Variants in FANCC observed in about 807,000 individuals in gnomAD.
The protein encoded by FANCC is FA complementation group C.
In FANCC, 55 loss-of-function variants were observed where a neutral mutation model predicts 71.3. The ratio of observed to expected loss-of-function variants is 0.77; its 90% CI spans 0.62 to 0.97. The LOEUF (loss-of-function observed/expected upper bound fraction) is 0.97, where lower values mean the gene tolerates loss of function less well. FANCC is among the 50% of genes least tolerant of loss of function. FANCC has a pLI of 0.00. For synonymous variants in FANCC, 275 were observed against 244.9 expected, an observed-to-expected ratio of 1.12 and a Z score of -1.15; for missense variants, 678 against 670.9, an observed-to-expected ratio of 1.01 and a Z score of -0.12.
At chr9:95,248,704 T>C (rs1374152360) in intron 2 of FANCC, among the ~76,000 whole-genome samples, 1 of 151,906 alleles carries the variant, frequency 6.6e-6, no homozygotes, top group Non-Finnish European at 1.5e-5. Context: ...CTCAAAATCT[T>C]AATATTTATA....
intron 3 of FANCC, 113 bp from the exon 4 acceptor site, chr9:95,240,856 T>C: frequency 1.5e-6 from 1 of 689,136 alleles, no homozygotes; most frequent in Non-Finnish European, 2.6e-6. Flanking sequence ...ACAGAACAAG[T>C]ATCCCTGAAT....
chr9:95,142,537 T>C (rs1588156830), intron 7 of FANCC: 1 of 152,274 alleles, frequency 6.6e-6, no homozygotes. Flanking sequence ...GGAGTGGCTG[T>C]AGACGCTAAT....
chr9:95,291,419 T>C (rs1833989619), intron 1 of FANCC, among the ~76,000 whole-genome samples: 1 of 152,050 alleles, frequency 6.6e-6, no homozygotes, highest in African/African-American at 2.4e-5. Context: ...AGTGTTTCTA[T>C]ACACCAAATA....
intron 6 of FANCC, among the ~76,000 whole-genome samples, chr9:95,151,630 C>A (rs1395169109): frequency 6.6e-6 from 1 of 152,124 alleles, no homozygotes; most frequent in African/African-American, 2.4e-5. Flanking sequence ...TATTTGCATA[C>A]TGAATTGCCT....
At chr9:95,233,435 A>G (rs1170153914) in intron 4 of FANCC, among the ~76,000 whole-genome samples, 1 of 152,186 alleles carries the variant, frequency 6.6e-6, no homozygotes, top group African/African-American at 2.4e-5. Flanking sequence ...AACTTGAACA[A>G]TAATTATTTC....
intron 1 of FANCC, among the ~76,000 whole-genome samples, chr9:95,302,908 T>A (rs1834838925): frequency 6.6e-6 from 1 of 152,184 alleles, no homozygotes; most frequent in Admixed American, 6.5e-5. Context: ...TTTGGCAGAG[T>A]TTGCACTATA....
chr9:95,216,382 C>A (rs916010342), intron 4 of FANCC, among the ~76,000 whole-genome samples: 1 of 152,138 alleles, frequency 6.6e-6, no homozygotes, highest in Non-Finnish European at 1.5e-5. Context: ...ATTAATAACT[C>A]ATAATTGGAG....
At chr9:95,276,861 CAT>C (rs1341509230) in intron 1 of FANCC, among the ~76,000 whole-genome samples, 4 of 152,316 alleles carry the variant, frequency 2.6e-5, no homozygotes, top group African/African-American at 9.6e-5. Flanking sequence ...GCCCACAGTA[CAT>C]GAGGCTGCAG....
chr9:95,308,380 T>A (rs1835185827), intron 1 of FANCC, among the ~76,000 whole-genome samples: 1 of 151,872 alleles, frequency 6.6e-6, no homozygotes, highest in African/African-American at 2.4e-5. Context: ...ACCTCCCGAG[T>A]TCAAGCGATT....
At chr9:95,123,962 G>A in intron 10 of FANCC, 1 of 367,846 alleles carries the variant, frequency 2.7e-6, no homozygotes, top group South Asian at 2.2e-5. Flanking sequence ...AAGTAGCCAT[G>A]AGTGGTGACA....
intron 1 of FANCC, among the ~76,000 whole-genome samples, chr9:95,277,406 G>A (rs1018626427): frequency 3.9e-5 from 6 of 152,062 alleles, no homozygotes; most frequent in East Asian, 1.9e-4. Flanking sequence ...TTCAGATGAC[G>A]GATATGCTAA....
At chr9:95,179,922 TCC>T (rs1826237125) in intron 4 of FANCC, among the ~76,000 whole-genome samples, 1 of 152,214 alleles carries the variant, frequency 6.6e-6, no homozygotes, top group Non-Finnish European at 1.5e-5. Flanking sequence ...ACAAAGTTTA[TCC>T]ATAACATTAG....
intron 4 of FANCC, among the ~76,000 whole-genome samples, chr9:95,174,223 G>C (rs1476423796): frequency 6.6e-6 from 1 of 152,074 alleles, no homozygotes; most frequent in Non-Finnish European, 1.5e-5. Flanking sequence ...GTGCCCTCTA[G>C]AGGAAACGGA....
intron 11 of FANCC, among the ~76,000 whole-genome samples, chr9:95,115,471 C>T (rs1229313114): frequency 6.6e-6 from 1 of 152,116 alleles, no homozygotes; most frequent in Non-Finnish European, 1.5e-5. Flanking sequence ...GTGATGAATT[C>T]ACAATATGAT....
At chr9:95,126,710 A>C (rs1450359585) in intron 8 of FANCC, 129 bp from the exon 9 acceptor site, 16 of 908,878 alleles carry the variant, frequency 1.8e-5, no homozygotes, top group Middle Eastern at 2.2e-4. Flanking sequence ...TTTTGGTTAG[A>C]AGAACGAACC....
chr9:95,126,854 C>G (rs1291726340), intron 8 of FANCC: 1 of 438,830 alleles, frequency 2.3e-6, no homozygotes, highest in Non-Finnish European at 4.2e-6. Flanking sequence ...ATCCATAATA[C>G]AGAATCAGTA....
At chr9:95,146,797 G>A (rs1167162080) in intron 7 of FANCC, among the ~76,000 whole-genome samples, 2 of 151,840 alleles carry the variant, frequency 1.3e-5, no homozygotes, top group East Asian at 3.9e-4. Flanking sequence ...TTTCAAAGTG[G>A]GGTTCAAAGA....
intron 12 of FANCC, 53 bp from the exon 13 acceptor site, chr9:95,111,690 TG>T: frequency 6.2e-7 from 1 of 1,611,378 alleles, no homozygotes; most frequent in South Asian, 1.1e-5. Context: ...CTTCTTCCTT[TG>T]GGTTTTTAAA....
intron 4 of FANCC, among the ~76,000 whole-genome samples, chr9:95,233,335 C>G (rs1009143810): frequency 6.6e-6 from 1 of 152,098 alleles, no homozygotes; most frequent in African/African-American, 2.4e-5. Context: ...GAAGAGGAAT[C>G]GCTAACATCC....
Sources: gnomAD v4.1 joint callset for allele counts (sites outside exome capture counted in the v4.1 genomes callset) on GRCh38, gnomAD v4.1.1 for gene constraint, MANE v1.5 for transcripts, NCBI Gene and HGNC (gene_info 2026-07-23, HGNC 2026-07-21) for gene names.